The following ZMIZ2 variants were observed in gnomAD, a reference collection of about 807,000 sequenced individuals.
ZMIZ2 encodes zinc finger MIZ-type containing 2.
A neutral mutation model predicts 93.9 loss-of-function variants in ZMIZ2; 26 were observed. That is an observed-to-expected ratio of 0.28 (90% CI 0.20 to 0.38). The LOEUF is 0.38. Among genes scored for constraint, ZMIZ2 ranks in the 10% least tolerant of loss-of-function variants. The probability of loss-of-function intolerance (pLI) is 1.00; values close to 1 mark genes in which losing one functional copy is unlikely to be tolerated. For synonymous variants in ZMIZ2, 485 were observed against 516.4 expected, an observed-to-expected ratio of 0.94 and a Z score of 0.82; for missense variants, 1,023 against 1,235.0, an observed-to-expected ratio of 0.83 and a Z score of 2.57.
intron 1 of ZMIZ2, among the ~76,000 whole-genome samples, chr7:44,750,816 G>A (rs1363338941): frequency 6.6e-6 from 1 of 152,052 alleles, no homozygotes; most frequent in Non-Finnish European, 1.5e-5. Context: ...AGTTTACAAG[G>A]AAAGCGCCAG....
In ZMIZ2 at chr7:44,760,160, C is replaced by T. The variant is rs764835380; in HGVS notation, c.1003C>T (p.Gln335Ter). ...PTGLHYKPTE[Q>*]FNGQGASFNG... ...GTTTTCTCTCCCGCAGCCCACAGAG[C>T]AGTTCAACGGGCAGGGCGCCAGCTT... is the stretch of plus-strand genomic sequence containing the variant. The change falls in exon 8 of 19, where the codon CAG becomes TAG. Residue 335 changes from glutamine (Q) to a stop codon, truncating the protein, a stop_gained. Transcript: ENST00000309315. LOFTEE classifies it high-confidence loss of function. The T allele has an allele frequency of 1.9e-6, 3 of 1,613,944 alleles. No individual in the cohort carries two copies. In the East Asian group the frequency reaches 6.7e-5, roughly 36 times the overall value.
Position 44,763,061 on chromosome 7 carries a change from G to A in ZMIZ2, c.1702+75G>A, listed in dbSNP as rs1236942495. On this transcript the variant is annotated intron_variant, in intron 12 of 18. Transcript: ENST00000309315. The surrounding 1 kb of genome is among the most constrained non-coding windows in gnomAD (Gnocchi z 5.6). ...TGGCCCAAGCCCAACAATCCTCCTT[G>A]TGGGCACCTCCTCGTGTCACACCAG... is the stretch of plus-strand genomic sequence containing the variant. 17 of 1,492,304 alleles carry A rather than the reference G, an allele frequency of 1.1e-5. No homozygotes were observed. Among genetic ancestry groups the A allele is most frequent in the Non-Finnish European group, 1.6e-5 (17 of 1,089,346 alleles). 92.4% of individuals were successfully genotyped at this position (1,492,304 alleles called of 1,614,324 possible).
Position 44,766,203 on chromosome 7 carries a change from T to TTCCC in ZMIZ2, c.2282_2283insTCCC (p.Thr765HisfsTer10). 3.1e-6 allele frequency: 5 copies of TTCCC among 1,598,370 alleles called. No individual in the cohort carries two copies. The highest frequency in any genetic ancestry group is 3.4e-6 in the Non-Finnish European group (4 of 1,167,420). On this transcript the variant is annotated frameshift_variant, in exon 17 of 19. Transcript: ENST00000309315. LOFTEE classifies it high-confidence loss of function. The surrounding 1 kb of genome is among the most constrained non-coding windows in gnomAD (Gnocchi z 4.4). ...GGGCCTGGAACTTTCCCTGAGTCCT[T>TTCCC]CCCACCCACCACGCCCAGCACCCCA...
intron 1 of ZMIZ2, among the ~76,000 whole-genome samples, chr7:44,753,751 G>C (rs983252799): frequency 6.6e-6 from 1 of 152,166 alleles, no homozygotes; most frequent in African/African-American, 2.4e-5. Flanking sequence ...CTTTGGCCTA[G>C]ATCACAAAGA....
In ZMIZ2 at chr7:44,763,625, C is replaced by CT. The variant is rs1158502413; in HGVS notation, c.1860+218dup. ...CCAAATATAATTGTCATTTTACTAA[C>CT]TTTTTTACTGCCTGCTTCATTCATG... is the stretch of plus-strand genomic sequence containing the variant. On this transcript the variant is annotated intron_variant, in intron 13 of 18. Coordinates refer to ENST00000309315, the MANE Select transcript of ZMIZ2 (RefSeq NM_031449.4). The surrounding 1 kb of genome is among the most constrained non-coding windows in gnomAD (Gnocchi z 5.6). 1 of 628,020 alleles carries CT rather than the reference C, an allele frequency of 1.6e-6. No individual in the cohort carries two copies. The highest frequency in any genetic ancestry group is 4.4e-4 in the Middle Eastern group (1 of 2,258). 38.9% of individuals were successfully genotyped at this position (628,020 alleles called of 1,614,324 possible). A position where few individuals can be genotyped will look rare whatever the true frequency, so the allele number is the denominator to read the frequency against.
At chr7:44,759,176 A>G in intron 6 of ZMIZ2, 105 bp from the exon 7 acceptor site, 1 of 1,090,040 alleles carries the variant, frequency 9.2e-7, no homozygotes, top group Non-Finnish European at 1.2e-6. Context: ...GGAACCAGGA[A>G]ATCTCCATTC....
rs1792003310 is a variant in ZMIZ2 at position 44,769,583 on chromosome 7, C to T, written c.*1960C>T. The T allele has an allele frequency of 6.5e-6, 1 of 152,704 alleles. No individual in the cohort carries two copies. Among genetic ancestry groups the T allele is most frequent in the Admixed American group, 6.5e-5 (1 of 15,270 alleles). The allele number at this position is 152,704 out of a possible 1,614,324, so 9.5% of individuals were successfully genotyped here. ...CACTCAGCCATGGCCTGATGCAGGC[C>T]CCAGGCCCTCCTTTCTTGGGTGTCA... is the stretch of plus-strand genomic sequence containing the variant. On this transcript the variant is annotated 3_prime_UTR_variant, in exon 19 of 19. Coordinates refer to ENST00000309315, the MANE Select transcript of ZMIZ2 (RefSeq NM_031449.4).
rs770477998 is a variant in ZMIZ2, at chr7:44,757,167, CCTGGCAGGTATGCTAGGAGCCATCAAT to C, written c.368+27_368+53del. ...ACCACCGGGTAAGCAAGTTCCCTCA[CCTGGCAGGTATGCTAGGAGCCATCAAT>C]CTGGCAGGCACCTCAGAACTGTGGC... On this transcript the variant is annotated intron_variant, in intron 4 of 18. Coordinates refer to ENST00000309315, the MANE Select transcript of ZMIZ2 (RefSeq NM_031449.4). 6.9e-6 allele frequency: 11 copies of C among 1,588,152 alleles called. No homozygotes were observed. In the East Asian group the frequency reaches 2.5e-4, roughly 36 times the overall value.
chr7:44,749,701 C>A (rs1266911439), intron 1 of ZMIZ2: 1 of 152,688 alleles, frequency 6.5e-6, no homozygotes. Flanking sequence ...TGTCTCTCCT[C>A]CCATTCCCTG....
chr7:44,760,619 C>G, intron 9 of ZMIZ2, 26 bp downstream of exon 9: 1 of 1,611,654 alleles, frequency 6.2e-7, no homozygotes, highest in Non-Finnish European at 8.5e-7. Flanking sequence ...CTTGGGACAG[C>G]GGGGTGACAA....
In ZMIZ2 at chr7:44,761,429, C is replaced by G. The variant is rs749990658; in HGVS notation, c.1241-20C>G. ...CTGGCTGGGGCAACCCAGCTCACAG[C>G]CAGTGGCCTCTGCTCCCAGGAAGCG... is the stretch of plus-strand genomic sequence containing the variant. On this transcript the variant is annotated intron_variant, in intron 9 of 18. Coordinates refer to ENST00000309315, the MANE Select transcript of ZMIZ2 (RefSeq NM_031449.4). This position sits in a 1 kb window ranked among gnomAD's most constrained non-coding sequence, Gnocchi z 5.8. The G allele has an allele frequency of 6.2e-7, 1 of 1,609,788 alleles. No individual in the cohort carries two copies. Among genetic ancestry groups the G allele is most frequent in the African/African-American group, 1.3e-5 (1 of 74,950 alleles).
rs568093602 is a variant in ZMIZ2, at chr7:44,750,823, C to T, written c.-63+1832C>T. Reference sequence around the variant, plus strand: ...CTGGAGTTAGTTTACAAGGAAAGCGCCAGGCACTAAGACCCTTGGTGGGCA... The same window carrying T: ...CTGGAGTTAGTTTACAAGGAAAGCGTCAGGCACTAAGACCCTTGGTGGGCA... On this transcript the variant is annotated intron_variant, in intron 1 of 18. Coordinates refer to ENST00000309315, the MANE Select transcript of ZMIZ2 (RefSeq NM_031449.4). 2.0e-5 allele frequency: 3 copies of T among 152,224 alleles called. No individual in the cohort carries two copies. In the East Asian group the frequency reaches 5.8e-4, roughly 29 times the overall value. The allele number at this position is 152,224 out of a possible 1,614,324, so 9.4% of individuals were successfully genotyped here. A position where few individuals can be genotyped will look rare whatever the true frequency, so the allele number is the denominator to read the frequency against.
At chr7:44,767,362 A>G (rs904114958) in intron 18 of ZMIZ2, among the ~76,000 whole-genome samples, 154 bp from the exon 19 acceptor site, 3 of 152,108 alleles carry the variant, frequency 2.0e-5, no homozygotes, top group Non-Finnish European at 2.9e-5. Context: ...ATGCAGGCCT[A>G]TGGTGGGGCC....
Position 44,761,318 on chromosome 7 carries a change from C to T in ZMIZ2, c.1241-131C>T, listed in dbSNP as rs1484167844. The T allele has an allele frequency of 2.1e-6, 3 of 1,430,062 alleles. No homozygotes were observed. Among genetic ancestry groups the T allele is most frequent in the African/African-American group, 2.8e-5 (2 of 70,446 alleles). 88.6% of individuals were successfully genotyped at this position (1,430,062 alleles called of 1,614,324 possible). On this transcript the variant is annotated intron_variant, in intron 9 of 18. Coordinates refer to ENST00000309315, the MANE Select transcript of ZMIZ2 (RefSeq NM_031449.4). The surrounding 1 kb of genome is among the most constrained non-coding windows in gnomAD (Gnocchi z 5.8). Reference sequence around the variant, plus strand: ...CACCACTCAGGCCTGCCAAGCAGTGCCTGACAGGAGGGGCTCCCTTCACCA... The same window carrying T: ...CACCACTCAGGCCTGCCAAGCAGTGTCTGACAGGAGGGGCTCCCTTCACCA...
chr7:44,756,381 C>T (rs1375521778), intron 2 of ZMIZ2, 44 bp from the exon 3 acceptor site: 10 of 1,613,862 alleles, frequency 6.2e-6, no homozygotes, highest in Non-Finnish European at 8.5e-6. Flanking sequence ...TCTTGGACAC[C>T]AGTGGCTTCC....
Position 44,766,257 on chromosome 7 carries a change from C to A in ZMIZ2, c.2336C>A (p.Pro779His). ...PTLAEFTPGP[P>H]PISYQSDIPS... The stretch of plus-strand genomic sequence containing the variant: ...CTTGCTGAGTTCACCCCGGGACCAC[C>A]CCCCATCTCCTACCAGTCTGACATT... Residue 779 changes from proline to histidine, a missense_variant, in exon 17 of 19, where the codon CCC becomes CAC. By Grantham distance (77) the Pro-to-His change is moderately conservative. Transcript: ENST00000309315. The surrounding 1 kb of genome is among the most constrained non-coding windows in gnomAD (Gnocchi z 4.4). 6.2e-7 allele frequency: 1 copy of A among 1,600,868 alleles called. No individual in the cohort carries two copies. Among genetic ancestry groups the A allele is most frequent in the Non-Finnish European group, 8.5e-7 (1 of 1,173,560 alleles).
intron 1 of ZMIZ2, among the ~76,000 whole-genome samples, chr7:44,754,900 A>G (rs1790461700): frequency 1.3e-5 from 2 of 152,170 alleles, no homozygotes; most frequent in African/African-American, 4.8e-5. Context: ...AGGCAGGCAG[A>G]GGTGGACATG....
rs1280829727 is a variant in ZMIZ2 at position 44,761,575 on chromosome 7, A to T, written c.1367A>T (p.Tyr456Phe). 6.2e-7 allele frequency: 1 copy of T among 1,614,042 alleles called. No homozygotes were observed. The highest frequency in any genetic ancestry group is 1.1e-5 in the South Asian group (1 of 91,076). The change falls in exon 10 of 19, where the codon TAC becomes TTC. Residue 456 changes from tyrosine (Y) to phenylalanine (F), a missense_variant. Coordinates refer to ENST00000309315, the MANE Select transcript of ZMIZ2 (RefSeq NM_031449.4). This position sits in a 1 kb window ranked among gnomAD's most constrained non-coding sequence, Gnocchi z 5.8. ...GTCTTCCAGCTGCGAGACTCAGTCT[A>T]CAAGACCCTGATAATGAGGTGAGCT... ...NHVFQLRDSV[Y>F]KTLIMRPDLE...
In ZMIZ2 at chr7:44,765,064, A is replaced by C. The variant is rs2116881229; in HGVS notation, c.1997+55A>C. ...TCTGTGGCCACTGGAGGGCAGCCCC[A>C]GGACATGTCGGGGGATGTCCCTTGC... On this transcript the variant is annotated intron_variant, in intron 15 of 18. Transcript: ENST00000309315. This position sits in a 1 kb window ranked among gnomAD's most constrained non-coding sequence, Gnocchi z 4.1. 6.2e-7 allele frequency: 1 copy of C among 1,602,518 alleles called. No homozygotes were observed. The highest frequency in any genetic ancestry group is 8.5e-7 in the Non-Finnish European group (1 of 1,169,908).
Sources: gnomAD v4.1 joint callset for allele counts (sites outside exome capture counted in the v4.1 genomes callset) on GRCh38, gnomAD v4.1.1 for gene constraint, Gnocchi (gnomAD v3.1) non-coding constraint, MANE v1.5 for transcripts, NCBI Gene and HGNC (gene_info 2026-07-23, HGNC 2026-07-21) for gene names.